SHISA9: variants seen among roughly 807,000 people sequenced by gnomAD.
The protein encoded by SHISA9 is protein shisa-9.
SHISA9 carries 13 observed loss-of-function variants against 38.0 expected under a neutral mutation model. The ratio of observed to expected loss-of-function variants is 0.34; its 90% CI spans 0.22 to 0.54. SHISA9 has a LOEUF of 0.54. Ranked by LOEUF, SHISA9 falls within the 20% of genes least tolerant of loss-of-function variation. The pLI is 0.91. For missense variants in SHISA9, 538 were observed against 575.8 expected (o/e 0.93, Z 0.67); for synonymous variants, 275 against 242.0 (o/e 1.14, Z -1.27).
At chr16:13,397,586 C>T in the SHISA9 span, among the ~76,000 whole-genome samples, 1 of 152,146 alleles carries the variant, frequency 6.6e-6, no homozygotes, top group Non-Finnish European at 1.5e-5. Flanking sequence ...AGGTGCACGC[C>T]ACCACACCTG....
chr16:13,456,607 G>A, the SHISA9 span, among the ~76,000 whole-genome samples: 4 of 152,224 alleles, frequency 2.6e-5, no homozygotes, highest in Non-Finnish European at 5.9e-5. Flanking sequence ...GCCTGATAGA[G>A]TGTCTTTGTT....
chr16:13,512,716 C>A, the SHISA9 span, among the ~76,000 whole-genome samples: 1 of 152,154 alleles, frequency 6.6e-6, no homozygotes, highest in Non-Finnish European at 1.5e-5. Context: ...ACATCTACAA[C>A]CATCTGATCT....
the SHISA9 span, among the ~76,000 whole-genome samples, chr16:13,254,240 A>C: frequency 6.6e-6 from 1 of 152,200 alleles, no homozygotes; most frequent in South Asian, 2.1e-4. Flanking sequence ...TTTTAGATGA[A>C]GTGATTTGCC....
chr16:13,014,324 G>A (rs939628992), intron 2 of SHISA9, among the ~76,000 whole-genome samples: 3 of 152,182 alleles, frequency 2.0e-5, no homozygotes, highest in Non-Finnish European at 4.4e-5. Flanking sequence ...GTTAACGTGA[G>A]TTATAAATCT....
At chr16:13,417,369 G>A in the SHISA9 span, among the ~76,000 whole-genome samples, 1 of 151,572 alleles carries the variant, frequency 6.6e-6, no homozygotes, top group Admixed American at 6.6e-5. Flanking sequence ...TATTTGGGAT[G>A]TTTTGAGTTG....
chr16:13,103,994 C>G (rs2073903410), intron 2 of SHISA9, among the ~76,000 whole-genome samples: 1 of 152,170 alleles, frequency 6.6e-6, no homozygotes, highest in African/African-American at 2.4e-5. Flanking sequence ...TACGAAAACA[C>G]AGCCATTAGT....
chr16:13,450,510 A>T, the SHISA9 span, among the ~76,000 whole-genome samples: 2 of 152,228 alleles, frequency 1.3e-5, no homozygotes, highest in African/African-American at 4.8e-5. Flanking sequence ...TTAGCCCTTC[A>T]TCACCCACTG....
chr16:13,068,583 C>A (rs1194290531), intron 2 of SHISA9, among the ~76,000 whole-genome samples: 1 of 152,206 alleles, frequency 6.6e-6, no homozygotes, highest in Non-Finnish European at 1.5e-5. Flanking sequence ...TGTATTCCAT[C>A]CTAGCAGCTC....
chr16:13,038,372 C>A (rs1225763632), intron 2 of SHISA9, among the ~76,000 whole-genome samples: 1 of 152,188 alleles, frequency 6.6e-6, no homozygotes, highest in Non-Finnish European at 1.5e-5. Context: ...CTAGGATAAC[C>A]TTACTGTGGC....
chr16:13,287,863 A>G, the SHISA9 span, among the ~76,000 whole-genome samples: 1 of 152,202 alleles, frequency 6.6e-6, no homozygotes, highest in Non-Finnish European at 1.5e-5. Context: ...AGTGGGTATA[A>G]TAAATAGAAT....
At chr16:13,119,577 G>A (rs1217200654) in intron 2 of SHISA9, among the ~76,000 whole-genome samples, 2 of 151,918 alleles carry the variant, frequency 1.3e-5, no homozygotes, top group East Asian at 3.9e-4. Flanking sequence ...ATTAACAATC[G>A]CTAATCATTA....
chr16:13,140,377 G>C (rs2050391701), intron 2 of SHISA9, among the ~76,000 whole-genome samples: 1 of 151,780 alleles, frequency 6.6e-6, no homozygotes, highest in African/African-American at 2.4e-5. Context: ...GGGTTTCACT[G>C]TGTTGGCCAG....
At chr16:13,492,324 G>C in the SHISA9 span, among the ~76,000 whole-genome samples, 203 of 152,300 alleles carry the variant, frequency 1.3e-3, no homozygotes, top group Non-Finnish European at 2.5e-3. Context: ...AGCAGGCCAT[G>C]TTCCTAAACA....
chr16:13,199,919 G>A (rs2050987949), intron 2 of SHISA9, among the ~76,000 whole-genome samples: 2 of 152,184 alleles, frequency 1.3e-5, no homozygotes, highest in African/African-American at 4.8e-5. Context: ...ACATCCCTGA[G>A]CGAGGGTATC....
At chr16:13,517,890 A>C in the SHISA9 span, among the ~76,000 whole-genome samples, 1 of 152,202 alleles carries the variant, frequency 6.6e-6, no homozygotes, top group Non-Finnish European at 1.5e-5. Context: ...GCCTCTTCCC[A>C]CCATGCAAGG....
At chr16:13,396,837 T>TC in the SHISA9 span, among the ~76,000 whole-genome samples, 8 of 151,934 alleles carry the variant, frequency 5.3e-5, no homozygotes, top group African/African-American at 1.9e-4. Context: ...TCCCCATGAG[T>TC]CCCCATCACT....
chr16:13,548,182 C>T, the SHISA9 span, among the ~76,000 whole-genome samples: 3 of 152,046 alleles, frequency 2.0e-5, no homozygotes, highest in Non-Finnish European at 2.9e-5. Flanking sequence ...AAGACTGGAC[C>T]TTATCTCTCA....
intron 2 of SHISA9, among the ~76,000 whole-genome samples, chr16:13,192,202 C>G (rs1203219201): frequency 6.6e-6 from 1 of 151,996 alleles, no homozygotes; most frequent in Non-Finnish European, 1.5e-5. Context: ...AGATGGAAAT[C>G]ACAGATACTA....
intron 2 of SHISA9, among the ~76,000 whole-genome samples, chr16:13,044,833 T>A (rs1454619197): frequency 1.3e-5 from 2 of 152,230 alleles, no homozygotes; most frequent in East Asian, 3.8e-4. Flanking sequence ...CCCTTTTATA[T>A]AGTCTTCTCT....
Sources: gnomAD v4.1 joint callset for allele counts (sites outside exome capture counted in the v4.1 genomes callset) on GRCh38, gnomAD v4.1.1 for gene constraint, MANE v1.5 for transcripts, NCBI Gene and HGNC (gene_info 2026-07-23, HGNC 2026-07-21) for gene names.